GREM2: variants seen among roughly 807,000 people sequenced by gnomAD.
GREM2 encodes gremlin-2.
GREM2 carries 11 observed loss-of-function variants against 14.2 expected under a neutral mutation model. That is an observed-to-expected ratio of 0.78 (90% CI 0.49 to 1.28). GREM2 has a LOEUF of 1.28. Among genes scored for constraint, GREM2 ranks in the 50% most tolerant of loss-of-function variants. The pLI is 0.00. For synonymous variants in GREM2, 98 were observed against 97.6 expected, an observed-to-expected ratio of 1.00 and a Z score of -0.02; for missense variants, 210 against 218.5, an observed-to-expected ratio of 0.96 and a Z score of 0.24.
chr1:240,561,590 T>C (rs1190475535), intron 1 of GREM2, among the ~76,000 whole-genome samples: 1 of 152,008 alleles, frequency 6.6e-6, no homozygotes, highest in Non-Finnish European at 1.5e-5. Context: ...CCAGAATCAA[T>C]CATTTTAATG....
chr1:240,576,298 C>T (rs968178141), intron 1 of GREM2, among the ~76,000 whole-genome samples: 2 of 152,188 alleles, frequency 1.3e-5, no homozygotes, highest in Non-Finnish European at 2.9e-5. Flanking sequence ...TTTGCTGCTC[C>T]ACCTCCTTCC....
intron 1 of GREM2, among the ~76,000 whole-genome samples, chr1:240,510,716 T>C (rs955373033): frequency 6.6e-6 from 1 of 152,178 alleles, no homozygotes; most frequent in African/African-American, 2.4e-5. Flanking sequence ...ACAAATTCAG[T>C]CTGTGGTTAA....
rs191499852 is a variant in GREM2, at chr1:240,509,652, G to A, written c.-1-16176C>T. Among the ~76,000 whole-genome samples the A allele has an allele frequency of 2.0e-3, 302 of 152,226 alleles. 1 individual carries two copies. Among genetic ancestry groups the A allele is most frequent in the African/African-American group, 6.0e-3 (251 of 41,532 alleles). ...CAGTGTGCTGGGATTACAGGCATGA[G>A]CCACTGCACCCGGTGCTCATTTGAC... On this transcript the variant is annotated intron_variant, in intron 1 of 1. Transcript: ENST00000318160.
At chr1:240,599,665 C>G (rs1473543427) in intron 1 of GREM2, among the ~76,000 whole-genome samples, 1 of 152,090 alleles carries the variant, frequency 6.6e-6, no homozygotes, top group East Asian at 1.9e-4. Context: ...ATCTTTTGGT[C>G]CAGAAAGAAG....
intron 1 of GREM2, among the ~76,000 whole-genome samples, chr1:240,529,754 G>T (rs905659627): frequency 1.3e-5 from 2 of 152,074 alleles, no homozygotes; most frequent in African/African-American, 4.8e-5. Context: ...GAGAGAAGAT[G>T]CTTTGCTATT....
chr1:240,509,760 C>G (rs1243939889), intron 1 of GREM2, among the ~76,000 whole-genome samples: 3 of 152,140 alleles, frequency 2.0e-5, no homozygotes, highest in African/African-American at 7.2e-5. Flanking sequence ...TGAATGGGAA[C>G]TTAAGAAGCG....
intron 1 of GREM2, among the ~76,000 whole-genome samples, chr1:240,523,979 T>C (rs935390750): frequency 9.2e-5 from 14 of 152,238 alleles, no homozygotes; most frequent in Admixed American, 7.2e-4. Context: ...TTATATATTG[T>C]CTGTTTAAAT....
chr1:240,551,627 G>T (rs1678855158), intron 1 of GREM2, among the ~76,000 whole-genome samples: 1 of 147,910 alleles, frequency 6.8e-6, no homozygotes, highest in Admixed American at 6.8e-5. Flanking sequence ...ACCATGCCTG[G>T]TCTAGTTTAC....
intron 1 of GREM2, among the ~76,000 whole-genome samples, chr1:240,560,174 G>T (rs1217903017): frequency 6.6e-6 from 1 of 152,204 alleles, no homozygotes; most frequent in Admixed American, 6.5e-5. Context: ...ATTTAATATG[G>T]TTAAGAATTT....
intron 1 of GREM2, among the ~76,000 whole-genome samples, chr1:240,601,174 A>G (rs1679914799): frequency 6.6e-6 from 1 of 152,214 alleles, no homozygotes; most frequent in South Asian, 2.1e-4. Flanking sequence ...TAACAATAAT[A>G]ATTGAGTTTT....
intron 1 of GREM2, among the ~76,000 whole-genome samples, chr1:240,538,189 C>A (rs1425076990): frequency 1.3e-5 from 2 of 152,178 alleles, no homozygotes; most frequent in African/African-American, 4.8e-5. Flanking sequence ...TAACCTAAAA[C>A]GTTCAGGAGT....
intron 1 of GREM2, among the ~76,000 whole-genome samples, chr1:240,564,585 T>C (rs1246348672): frequency 6.6e-6 from 1 of 152,106 alleles, no homozygotes; most frequent in African/African-American, 2.4e-5. Context: ...TTAAGTTGTG[T>C]CAGTCTGTAC....
intron 1 of GREM2, among the ~76,000 whole-genome samples, chr1:240,572,315 C>T (rs1679276702): frequency 6.6e-6 from 1 of 152,164 alleles, no homozygotes; most frequent in Non-Finnish European, 1.5e-5. Flanking sequence ...GGTGTGTTCC[C>T]TTCATTTTAA....
At position 240,590,288 on chromosome 1, in the gene GREM2, G is replaced by A. The variant is rs1024134260; in HGVS notation, c.-2+21596C>T. Among the ~76,000 whole-genome samples, 3 of 152,134 alleles carry A rather than the reference G, an allele frequency of 2.0e-5. No homozygotes were observed. The South Asian group carries it at 6.2e-4, about 31-fold the overall frequency. On this transcript the variant is annotated intron_variant, in intron 1 of 1. Coordinates refer to ENST00000318160, the MANE Select transcript of GREM2 (RefSeq NM_022469.4). Reference sequence around the variant, plus strand: ...GCTGTGGCCCTGTAGTATCTCGATAGCTTGCCAGTTTTTGCACCTCAAATT... The same window carrying A: ...GCTGTGGCCCTGTAGTATCTCGATAACTTGCCAGTTTTTGCACCTCAAATT...
chr1:240,513,027 T>C (rs182354517), intron 1 of GREM2, among the ~76,000 whole-genome samples: 81 of 152,276 alleles, frequency 5.3e-4, no homozygotes, highest in African/African-American at 1.8e-3. Flanking sequence ...AGAGAGGATA[T>C]ACAGATAATA....
At chr1:240,601,040 A>G (rs747776100) in intron 1 of GREM2, among the ~76,000 whole-genome samples, 1 of 152,202 alleles carries the variant, frequency 6.6e-6, no homozygotes, top group Non-Finnish European at 1.5e-5. Flanking sequence ...TGAAGCCTCA[A>G]TTCCAAAGTA....
chr1:240,606,039 C>A (rs1467592586), intron 1 of GREM2, among the ~76,000 whole-genome samples: 1 of 151,968 alleles, frequency 6.6e-6, no homozygotes, highest in Non-Finnish European at 1.5e-5. Flanking sequence ...GTTCCCAGGA[C>A]AAAAGACTGG....
At chr1:240,505,576 G>C (rs1205375109) in intron 1 of GREM2, among the ~76,000 whole-genome samples, 1 of 151,602 alleles carries the variant, frequency 6.6e-6, no homozygotes, top group African/African-American at 2.4e-5. Context: ...TCTTTTTTCA[G>C]TGTTACTGGG....
At chr1:240,570,555 T>A (rs1203029872) in intron 1 of GREM2, among the ~76,000 whole-genome samples, 2 of 152,184 alleles carry the variant, frequency 1.3e-5, no homozygotes, top group South Asian at 2.1e-4. Context: ...AAAACCAGTA[T>A]GCCCCCTTTT....
Sources: gnomAD v4.1 joint callset for allele counts (sites outside exome capture counted in the v4.1 genomes callset) on GRCh38, gnomAD v4.1.1 for gene constraint, MANE v1.5 for transcripts, NCBI Gene and HGNC (gene_info 2026-07-23, HGNC 2026-07-21) for gene names.